The following PECR variants were observed in gnomAD, a reference collection of about 807,000 sequenced individuals.
The protein encoded by PECR is peroxisomal trans-2-enoyl-CoA reductase.
In PECR, 30 loss-of-function variants were observed where a neutral mutation model predicts 35.3. The observed-to-expected ratio is 0.85, with a 90% confidence interval of 0.64 to 1.15. The LOEUF (loss-of-function observed/expected upper bound fraction) is 1.15, where lower values mean the gene tolerates loss of function less well. Among genes scored for constraint, PECR ranks in the 50% most tolerant of loss-of-function variants. The pLI is 0.00. For synonymous variants in PECR, 148 were observed against 138.9 expected (o/e 1.07, Z -0.46); for missense variants, 392 against 370.8 (o/e 1.06, Z -0.47).
At chr2:216,030,339 A>G (rs1360456944) in intron 7 of PECR, among the ~76,000 whole-genome samples, 1 of 152,124 alleles carries the variant, frequency 6.6e-6, no homozygotes, top group Non-Finnish European at 1.5e-5. Context: ...TTTGGTTCCA[A>G]TGCCACTTCT....
Position 216,043,086 on chromosome 2 carries a change from T to C in PECR, c.826+818A>G, listed in dbSNP as rs1213279871. ...ATATATGTATGTATATATATACACA[T>C]ACATATATATGTATGCGTATATATA... On this transcript the variant is annotated intron_variant, in intron 7 of 7. Transcript: ENST00000265322. Among the ~76,000 whole-genome samples, 10 of 130,328 alleles carry C rather than the reference T, an allele frequency of 7.7e-5. 2 individuals carry two copies. Among genetic ancestry groups the C allele is most frequent in the Middle Eastern group, 4.0e-3 (1 of 252 alleles). 85.5% of individuals were successfully genotyped at this position (130,328 alleles called of 152,430 possible). A position where few individuals can be genotyped will look rare whatever the true frequency, so the allele number is the denominator to read the frequency against.
chr2:216,044,615 T>C lies in PECR; in HGVS notation c.715-600A>G, dbSNP rs551775532. On this transcript the variant is annotated intron_variant, in intron 6 of 7. Transcript: ENST00000265322. ...TCCTTAGGAGGCTGAGGTGGGAGCA[T>C]TGCGTGGGCCTAAGAGGTTGCAGTG... Among the ~76,000 whole-genome samples, 37 of 152,166 alleles carry C rather than the reference T, an allele frequency of 2.4e-4. No homozygotes were observed. In the South Asian group the frequency reaches 7.1e-3, roughly 29 times the overall value.
intron 7 of PECR, among the ~76,000 whole-genome samples, chr2:216,041,119 T>G (rs1694879277): frequency 6.6e-6 from 1 of 152,158 alleles, no homozygotes; most frequent in African/African-American, 2.4e-5. Flanking sequence ...CGGGGGGCAG[T>G]ATATTCTTAA....
In PECR at chr2:216,051,520, C is replaced by T. The variant is rs374129165; in HGVS notation, c.532G>A (p.Val178Ile). Residue 178 changes from valine (V) to isoleucine (I), a missense_variant, in exon 5 of 8, where the codon GTT becomes ATT. Val to Ile is a conservative substitution (Grantham distance 29). Coordinates refer to ENST00000265322, the MANE Select transcript of PECR (RefSeq NM_018441.6). ...GCTAAAGATTTGGTGAGGTTGTAAA[C>T]ACCTGCTCTTGCAGCTCCAGAATGC... ...AVHSGAARAG[V>I]YNLTKSLALE... 1.2e-6 allele frequency: 2 copies of T among 1,611,572 alleles called. No homozygotes were observed. Among genetic ancestry groups the T allele is most frequent in the Non-Finnish European group, 1.7e-6 (2 of 1,177,680 alleles).
At chr2:216,052,418 A>G (rs1327470883) in intron 4 of PECR, among the ~76,000 whole-genome samples, 4 of 152,244 alleles carry the variant, frequency 2.6e-5, no homozygotes, top group South Asian at 2.1e-4. Flanking sequence ...TCTGCTGGTG[A>G]TAATTCTTGC....
chr2:216,049,487 A>G, intron 5 of PECR, 114 bp from the exon 6 acceptor site: 1 of 605,096 alleles, frequency 1.7e-6, no homozygotes, highest in Non-Finnish European at 3.0e-6. Context: ...TAAGTCAAAA[A>G]AAAGTTAACA....
chr2:216,076,598 G>A lies in PECR; in HGVS notation c.124+5020C>T, dbSNP rs535076299. Among the ~76,000 whole-genome samples, 232 of 152,172 alleles carry A rather than the reference G, an allele frequency of 1.5e-3. 2 individuals carry two copies. Among genetic ancestry groups the A allele is most frequent in the African/African-American group, 5.3e-3 (222 of 41,500 alleles). ...GCAGATAACTTGAGGTCAGGAGTTC[G>A]AGACCAGCCTGGCCAACATAGTAAA... On this transcript the variant is annotated intron_variant, in intron 1 of 7. Coordinates refer to ENST00000265322, the MANE Select transcript of PECR (RefSeq NM_018441.6).
chr2:216,074,458 A>G (rs1468522513), intron 1 of PECR, among the ~76,000 whole-genome samples: 1 of 151,132 alleles, frequency 6.6e-6, no homozygotes, highest in Non-Finnish European at 1.5e-5. Flanking sequence ...AAGAAAAGAA[A>G]GAAAAGAAAG....
intron 1 of PECR, among the ~76,000 whole-genome samples, chr2:216,071,056 T>C (rs191948902): frequency 6.6e-6 from 1 of 152,304 alleles, no homozygotes; most frequent in East Asian, 1.9e-4. Flanking sequence ...TGTGCAGCCT[T>C]GGTGGTTCAT....
At chr2:216,042,596 A>G (rs1047482245) in intron 7 of PECR, among the ~76,000 whole-genome samples, 9 of 152,112 alleles carry the variant, frequency 5.9e-5, no homozygotes, top group Non-Finnish European at 1.2e-4. Context: ...TAAACCTTTT[A>G]ACGTCTGTGG....
intron 1 of PECR, among the ~76,000 whole-genome samples, chr2:216,077,481 T>C (rs567363918): frequency 6.8e-6 from 1 of 146,806 alleles, no homozygotes; most frequent in South Asian, 2.1e-4. Context: ...CACTCCAGCC[T>C]GGGTGACAGA....
In PECR at chr2:216,055,992, C is replaced by T. The variant is rs114393689; in HGVS notation, c.506+2903G>A. Among the ~76,000 whole-genome samples, 890 of 152,292 alleles carry T rather than the reference C, an allele frequency of 5.8e-3. 16 individuals carry two copies. The highest frequency in any genetic ancestry group is 0.02 in the African/African-American group (844 of 41,544). On this transcript the variant is annotated intron_variant, in intron 4 of 7. Coordinates refer to ENST00000265322, the MANE Select transcript of PECR (RefSeq NM_018441.6). Reference sequence around the variant, plus strand: ...ACTCGAGTTCACCTTTGAGACATGTCGCCTGGATGCTGCCCTCCTCTGTGC... The same window carrying T: ...ACTCGAGTTCACCTTTGAGACATGTTGCCTGGATGCTGCCCTCCTCTGTGC...
chr2:216,041,508 C>CTA (rs74576892), intron 7 of PECR, among the ~76,000 whole-genome samples: 10,816 of 152,248 alleles, frequency 0.071, 562 homozygotes, highest in South Asian at 0.2. Context: ...AATTAAAGTT[C>CTA]TATACTGTGA....
downstream of PECR, among the ~76,000 whole-genome samples, chr2:216,035,687 A>G (rs574498902): frequency 6.6e-6 from 1 of 152,050 alleles, no homozygotes; most frequent in South Asian, 2.1e-4. Flanking sequence ...GGGTTTCACC[A>G]TGTTGGCCAG....
intron 4 of PECR, 84 bp from the exon 5 acceptor site, chr2:216,051,629 C>T: frequency 2.3e-6 from 2 of 862,332 alleles, no homozygotes; most frequent in South Asian, 1.3e-5. Flanking sequence ...GTGCCAACTA[C>T]CTGACAGAAT....
At chr2:216,035,576 C>T (rs1326738388), downstream of PECR, among the ~76,000 whole-genome samples, 1 of 151,906 alleles carries the variant, frequency 6.6e-6, no homozygotes, top group East Asian at 1.9e-4. Context: ...CAATCTCCGC[C>T]CTCAGGTTCA....
At chr2:216,036,430 G>C (rs761171751), downstream of PECR, among the ~76,000 whole-genome samples, 2 of 152,204 alleles carry the variant, frequency 1.3e-5, no homozygotes, top group South Asian at 4.1e-4. Flanking sequence ...CTTGCCAGGG[G>C]ACATAAGGTC....
At chr2:216,080,791 C>A (rs939955707) in intron 1 of PECR, among the ~76,000 whole-genome samples, 10 of 152,128 alleles carry the variant, frequency 6.6e-5, no homozygotes, top group African/African-American at 2.2e-4. Context: ...ACGCTTAGTC[C>A]ATACCATTAG....
intron 1 of PECR, among the ~76,000 whole-genome samples, chr2:216,071,057 G>T (rs1204468001): frequency 6.6e-6 from 1 of 152,070 alleles, no homozygotes; most frequent in East Asian, 1.9e-4. Context: ...GTGCAGCCTT[G>T]GTGGTTCATT....
Sources: allele counts gnomAD v4.1 joint callset (sites outside exome capture counted in the v4.1 genomes callset), GRCh38; gene constraint gnomAD v4.1.1; transcripts MANE v1.5; gene names NCBI Gene and HGNC (gene_info 2026-07-23, HGNC 2026-07-21).